Variants in MTHFSD observed in about 807,000 individuals in gnomAD.
The protein encoded by MTHFSD is methenyltetrahydrofolate synthetase domain containing.
A neutral mutation model predicts 31.1 loss-of-function variants in MTHFSD; 37 were observed. The observed-to-expected ratio is 1.19, with a 90% CI of 0.91 to 1.56. The LOEUF (loss-of-function observed/expected upper bound fraction) is 1.56, where lower values mean the gene tolerates loss of function less well. Ranked by LOEUF, MTHFSD falls within the 40% of genes most tolerant of loss-of-function variation. The pLI, the probability that MTHFSD is intolerant of heterozygous loss-of-function variation, is 0.00. For missense variants in MTHFSD, 664 were observed against 510.1 expected (o/e 1.30, Z -2.91); for synonymous variants, 221 against 206.9 (o/e 1.07, Z -0.59).
At chr16:86,538,284 C>T (rs117855091) in intron 7 of MTHFSD, among the ~76,000 whole-genome samples, 4,750 of 152,270 alleles carry the variant, frequency 0.031, 107 homozygotes, top group Middle Eastern at 0.075. Context: ...TGGGTCTCCA[C>T]GGTCCAGGTG....
intron 7 of MTHFSD, chr16:86,540,918 TG>T: frequency 8.8e-7 from 1 of 1,135,884 alleles, no homozygotes; most frequent in Non-Finnish European, 1.1e-6. Context: ...CCGGCTGGGC[TG>T]TGGCAAAAGC....
rs759558094 is a variant in MTHFSD at position 86,541,652 on chromosome 16, G to A, written c.681+45C>T. ...AGACAGAAAACACTTAAAAGAGGAG[G>A]AGCCGCTAAGCTACAGGCCAGAGCT... On this transcript the variant is annotated intron_variant, in intron 7 of 7. Coordinates refer to ENST00000360900, the MANE Select transcript of MTHFSD (RefSeq NM_001159377.2). The A allele has an allele frequency of 6.3e-6, 10 of 1,590,952 alleles. No individual in the cohort carries two copies. The African/African-American group carries it at 1.1e-4, about 17-fold the overall frequency.
chr16:86,538,114 C>T (rs1372009844), intron 7 of MTHFSD, among the ~76,000 whole-genome samples: 1 of 152,254 alleles, frequency 6.6e-6, no homozygotes, highest in African/African-American at 2.4e-5. Context: ...CTCCTGAGCC[C>T]TCAGTCTCCC....
At chr16:86,546,217 G>A (rs899358720) in intron 5 of MTHFSD, among the ~76,000 whole-genome samples, 3 of 152,190 alleles carry the variant, frequency 2.0e-5, no homozygotes, top group African/African-American at 7.2e-5. Context: ...CCATTTGCTG[G>A]AGTCCCTCCA....
At chr16:86,552,375 T>A in intron 2 of MTHFSD, 1 of 1,213,920 alleles carries the variant, frequency 8.2e-7, no homozygotes, top group Non-Finnish European at 1.1e-6. Context: ...GCCCAGAATC[T>A]CACCCAGACA....
chr16:86,540,899 G>T (rs1161000549), intron 7 of MTHFSD: 1 of 1,125,762 alleles, frequency 8.9e-7, no homozygotes, highest in African/African-American at 1.6e-5. Context: ...GACACCTGCA[G>T]GGAAAGTCCC....
intron 2 of MTHFSD, among the ~76,000 whole-genome samples, chr16:86,554,091 G>A (rs1218358975): frequency 6.6e-6 from 1 of 152,140 alleles, no homozygotes; most frequent in Non-Finnish European, 1.5e-5. Flanking sequence ...AAAGCAGGCT[G>A]CCTGAACCAG....
At position 86,542,010 on chromosome 16, in the gene MTHFSD, T is replaced by A. The variant is rs367931685; in HGVS notation, c.555+91A>T. On this transcript the variant is annotated intron_variant, in intron 6 of 7. Transcript: ENST00000360900. The surrounding 1 kb of genome is among the most constrained non-coding windows in gnomAD (Gnocchi z 4.6). ...GATCCACACCACTCGCCACACAGCA[T>A]GGTTCAGAAGCAGATGAGTCTCCTT... 72 of 1,376,464 alleles carry A rather than the reference T, an allele frequency of 5.2e-5. No homozygotes were observed. The highest frequency in any genetic ancestry group is 4.4e-4 in the East Asian group (19 of 43,142). The allele number at this position is 1,376,464 out of a possible 1,614,324, so 85.3% of individuals were successfully genotyped here.
intron 3 of MTHFSD, among the ~76,000 whole-genome samples, chr16:86,551,332 T>C (rs1290865285): frequency 1.3e-5 from 2 of 152,182 alleles, no homozygotes; most frequent in African/African-American, 4.8e-5. Context: ...CCGATACCTT[T>C]TGAGGGTACA....
chr16:86,553,048 C>T (rs571490373), intron 2 of MTHFSD, among the ~76,000 whole-genome samples: 16 of 152,034 alleles, frequency 1.1e-4, no homozygotes, highest in Admixed American at 2.0e-4. Context: ...ACATTTTGAT[C>T]AGCTGGGAAA....
At chr16:86,547,593 T>C in intron 4 of MTHFSD, 1 of 982,912 alleles carries the variant, frequency 1.0e-6, no homozygotes, top group Non-Finnish European at 1.2e-6. Flanking sequence ...ACGGCTTGCA[T>C]TTGTGAATGC....
chr16:86,531,901 C>T lies in MTHFSD; in HGVS notation c.*110G>A, dbSNP rs988930919. On this transcript the variant is annotated 3_prime_UTR_variant, in exon 8 of 8. Coordinates refer to ENST00000360900, the MANE Select transcript of MTHFSD (RefSeq NM_001159377.2). The surrounding 1 kb of genome is among the most constrained non-coding windows in gnomAD (Gnocchi z 5.5). ...AGAATTGAGACCCGAGCAGCTCAGG[C>T]GGTGGCTCCGACACGTCTTGCCACG... is the stretch of plus-strand genomic sequence containing the variant. 7 of 673,858 alleles carry T rather than the reference C, an allele frequency of 1.0e-5. No homozygotes were observed. The highest frequency in any genetic ancestry group is 3.8e-5 in the African/African-American group (2 of 53,120). 41.7% of individuals were successfully genotyped at this position (673,858 alleles called of 1,614,324 possible).
intron 4 of MTHFSD, chr16:86,548,080 C>G (rs1597370117): frequency 3.9e-6 from 5 of 1,291,426 alleles, no homozygotes; most frequent in African/African-American, 1.5e-5. Flanking sequence ...TTTGGAAATT[C>G]TATCCTGTCT....
chr16:86,554,800 C>T (rs1219392517), intron 1 of MTHFSD, 49 bp from the exon 2 acceptor site: 2 of 1,523,674 alleles, frequency 1.3e-6, no homozygotes, highest in Admixed American at 3.4e-5. Flanking sequence ...ATTCCAGAGC[C>T]CATGCTGAAA....
At chr16:86,554,302 A>G (rs1330364202) in intron 2 of MTHFSD, among the ~76,000 whole-genome samples, 2 of 152,202 alleles carry the variant, frequency 1.3e-5, no homozygotes, top group African/African-American at 4.8e-5. Flanking sequence ...TCCAAACATC[A>G]GAAGGAACAA....
intron 5 of MTHFSD, among the ~76,000 whole-genome samples, chr16:86,544,562 G>T (rs879695013): frequency 6.6e-6 from 1 of 152,188 alleles, no homozygotes; most frequent in Non-Finnish European, 1.5e-5. Flanking sequence ...GGCCACAGAT[G>T]CTGGCAAGGC....
At chr16:86,537,480 A>T (rs1970870205) in intron 7 of MTHFSD, among the ~76,000 whole-genome samples, 1 of 152,124 alleles carries the variant, frequency 6.6e-6, no homozygotes. Context: ...GAATTTCTAC[A>T]TATTTCTCTA....
chr16:86,547,348 A>G, intron 4 of MTHFSD: 3 of 985,700 alleles, frequency 3.0e-6, no homozygotes, highest in Non-Finnish European at 3.6e-6. Flanking sequence ...GACTCAGGAA[A>G]AAGCCATTTT....
intron 7 of MTHFSD, among the ~76,000 whole-genome samples, chr16:86,537,276 T>A (rs984049175): frequency 1.3e-5 from 2 of 152,182 alleles, no homozygotes; most frequent in Admixed American, 1.3e-4. Flanking sequence ...CTCTGCCCTT[T>A]AACATGAGCA....
Sources: gnomAD v4.1 joint callset for allele counts (sites outside exome capture counted in the v4.1 genomes callset) on GRCh38, gnomAD v4.1.1 for gene constraint, Gnocchi (gnomAD v3.1) non-coding constraint, MANE v1.5 for transcripts, NCBI Gene and HGNC (gene_info 2026-07-23, HGNC 2026-07-21) for gene names.